The following GSTA4 variants were observed in gnomAD, a reference collection of about 807,000 sequenced individuals.
GSTA4 encodes glutathione S-transferase A4.
A neutral mutation model predicts 24.4 loss-of-function variants in GSTA4; 15 were observed. The observed-to-expected ratio is 0.61, with a 90% CI of 0.41 to 0.95. GSTA4 has a LOEUF of 0.95. Among genes scored for constraint, GSTA4 ranks in the 40% least tolerant of loss-of-function variants. GSTA4 has a pLI of 0.00. For missense variants in GSTA4, 244 were observed against 262.1 expected (o/e 0.93, Z 0.48); for synonymous variants, 92 against 94.2 (o/e 0.98, Z 0.13).
At chr6:52,987,181 A>G (rs3756980) in intron 3 of GSTA4, among the ~76,000 whole-genome samples, 176 bp downstream of exon 3, 26,352 of 152,132 alleles carry the variant, frequency 0.17, 2,505 homozygotes, top group Non-Finnish European at 0.2. Context: ...TTATGGAACT[A>G]TTGAATAAGA....
chr6:52,979,818 T>C (rs1301341261), intron 6 of GSTA4, among the ~76,000 whole-genome samples: 1 of 152,212 alleles, frequency 6.6e-6, no homozygotes, highest in African/African-American at 2.4e-5. Context: ...TATGACAATT[T>C]TCTCTTTTCA....
chr6:52,984,482 G>A lies in GSTA4; in HGVS notation c.396C>T (p.Tyr132=), dbSNP rs552190460. 3.2e-5 allele frequency: 51 copies of A among 1,612,828 alleles called. No homozygotes were observed. In the East Asian group the frequency reaches 1.0e-3, roughly 32 times the overall value. ...VNMAQKAIIR[Y]FPVFEKILRG... ...CACCTACCTTTTCAAACACAGGAAA[G>A]TATCTAATTATAGCCTTCTGGGCCA... The change falls in exon 5 of 7, where the codon TAC becomes TAT. Residue 132 remains tyrosine (Y), a synonymous_variant. Coordinates refer to ENST00000370963, the MANE Select transcript of GSTA4 (RefSeq NM_001512.4).
chr6:52,985,731 A>T, intron 3 of GSTA4, 148 bp from the exon 4 acceptor site: 2 of 846,200 alleles, frequency 2.4e-6, no homozygotes, highest in Admixed American at 5.1e-5. Flanking sequence ...CCTTAACTTC[A>T]TTCAGGAGAG....
rs748653510 is a variant in GSTA4 at position 52,987,363 on chromosome 6, G to A, written c.133C>T (p.Gln45Ter). The change falls in exon 3 of 7, where the codon CAG becomes TAG. Residue 45 changes from glutamine (Q) to a stop codon, truncating the protein, a stop_gained. Coordinates refer to ENST00000370963, the MANE Select transcript of GSTA4 (RefSeq NM_001512.4). LOFTEE classifies it high-confidence loss of function. The part of the protein sequence containing the change: ...LETKEQLYKL[Q>*]DGNHLLFQQV... ...GTTTCATTTTCATACTCACCATCCT[G>A]CAACTTGTACAACTGTTCTTTTGTT... 2.0e-5 allele frequency: 32 copies of A among 1,587,202 alleles called. No individual in the cohort carries two copies. The South Asian group carries it at 3.2e-4, about 16-fold the overall frequency.
Position 52,978,136 on chromosome 6 carries a change from G to A in GSTA4, c.*334C>T, listed in dbSNP as rs908221250. On this transcript the variant is annotated 3_prime_UTR_variant, in exon 7 of 7. Coordinates refer to ENST00000370963, the MANE Select transcript of GSTA4 (RefSeq NM_001512.4). ...GATAAGGAGAGCAGAAAGACGCTCA[G>A]GAGAGTAGAAAGACACTCAGGAGAG... 2 of 252,280 alleles carry A rather than the reference G, an allele frequency of 7.9e-6. No individual in the cohort carries two copies. The highest frequency in any genetic ancestry group is 2.3e-5 in the African/African-American group (1 of 42,850). The allele number at this position is 252,280 out of a possible 1,614,324, so 15.6% of individuals were successfully genotyped here. A position where few individuals can be genotyped will look rare whatever the true frequency, so the allele number is the denominator to read the frequency against.
chr6:52,978,549 A>T lies in GSTA4; in HGVS notation c.590T>A (p.Phe197Tyr), dbSNP rs1324498947. The T allele has an allele frequency of 6.2e-7, 1 of 1,611,920 alleles. No individual in the cohort carries two copies. The highest frequency in any genetic ancestry group is 8.5e-7 in the Non-Finnish European group (1 of 1,178,230). ...KLSNIPTIKRFLEPGSKKKPP... is the reference protein window; with the variant it reads ...KLSNIPTIKRYLEPGSKKKPP... ...CTTCTTCTTGCTGCCAGGTTCAAGG[A>T]ATCTCTTAATTGTAGGGATATTACT... The change falls in exon 7 of 7, where the codon TTC becomes TAC. Residue 197 changes from phenylalanine to tyrosine, a missense_variant. Phe to Tyr is a conservative substitution (Grantham distance 22). Transcript: ENST00000370963.
chr6:52,993,593 C>G (rs1763704509), intron 2 of GSTA4, among the ~76,000 whole-genome samples: 1 of 152,148 alleles, frequency 6.6e-6, no homozygotes, highest in Non-Finnish European at 1.5e-5. Context: ...TTAAAATACT[C>G]CCACAAAACA....
At chr6:52,993,976 C>G (rs45571441) in intron 2 of GSTA4, 181 bp downstream of exon 2, 24,488 of 688,510 alleles carry the variant, frequency 0.036, 1,874 homozygotes, top group African/African-American at 0.24. Context: ...AAATAGAATT[C>G]CATCAACTAC....
intron 2 of GSTA4, among the ~76,000 whole-genome samples, chr6:52,989,246 A>G (rs1763619959): frequency 6.6e-6 from 1 of 152,238 alleles, no homozygotes; most frequent in Non-Finnish European, 1.5e-5. Context: ...AGAAATAACT[A>G]TAAAAATGGG....
rs45465495 is a variant in GSTA4, at chr6:52,989,093, G to A, written c.88-1685C>T. Among the ~76,000 whole-genome samples, 1,116 of 152,298 alleles carry A rather than the reference G, an allele frequency of 7.3e-3. 8 individuals are homozygous for A. The highest frequency in any genetic ancestry group is 0.023 in the African/African-American group (962 of 41,562). ...CACCAAAACCAAGATGGTGATGAGAGTGACCTCTGGTCGTCCTCATTGCCA... is the reference window on the plus strand; with the variant it reads ...CACCAAAACCAAGATGGTGATGAGAATGACCTCTGGTCGTCCTCATTGCCA... On this transcript the variant is annotated intron_variant, in intron 2 of 6. Transcript: ENST00000370963.
At chr6:52,984,933 C>A (rs777948321) in intron 4 of GSTA4, among the ~76,000 whole-genome samples, 1 of 152,136 alleles carries the variant, frequency 6.6e-6, no homozygotes, top group African/African-American at 2.4e-5. Flanking sequence ...GTGAATACCA[C>A]TTATTGAGTG....
At chr6:52,989,152 G>T (rs1763618440) in intron 2 of GSTA4, among the ~76,000 whole-genome samples, 1 of 152,160 alleles carries the variant, frequency 6.6e-6, no homozygotes, top group African/African-American at 2.4e-5. Context: ...GTTTACAAAG[G>T]CTATGGCAAT....
chr6:52,990,074 A>C (rs1392299504), intron 2 of GSTA4, among the ~76,000 whole-genome samples: 1 of 152,134 alleles, frequency 6.6e-6, no homozygotes, highest in Non-Finnish European at 1.5e-5. Context: ...TAATGGTAGA[A>C]ATGGTGTAAA....
chr6:52,982,554 T>A lies in GSTA4; in HGVS notation c.546+20A>T. The stretch of plus-strand genomic sequence containing the variant: ...GCCCAAGAGTTCTAGGCCAATCTTC[T>A]AATACATAGTTTTATTTACCTGGAG... On this transcript the variant is annotated intron_variant, in intron 6 of 6. Coordinates refer to ENST00000370963, the MANE Select transcript of GSTA4 (RefSeq NM_001512.4). The A allele has an allele frequency of 1.3e-6, 2 of 1,597,308 alleles. No homozygotes were observed.
Position 52,994,169 on chromosome 6 carries a change from G to A in GSTA4, c.75C>T (p.Ala25=), listed in dbSNP as rs1337488769. Residue 25 remains alanine (A), a synonymous_variant, in exon 2 of 7, where the codon GCC becomes GCT. Transcript: ENST00000370963. ...GCATATAAGGTACCTCGACTCCGGC[G>A]GCAGCTAAAACCCATCTCACGGACT... ...RMESVRWVLA[A]AGVEFDEEFL... 6.2e-7 allele frequency: 1 copy of A among 1,609,222 alleles called. No individual in the cohort carries two copies. The highest frequency in any genetic ancestry group is 1.1e-5 in the South Asian group (1 of 90,986).
intron 2 of GSTA4, among the ~76,000 whole-genome samples, chr6:52,988,895 A>T (rs1047278202): frequency 1.3e-5 from 2 of 152,006 alleles, no homozygotes; most frequent in African/African-American, 4.8e-5. Context: ...AACCAGAGCA[A>T]CTCCATCTTG....
At chr6:52,982,347 C>T (rs1311068890) in intron 6 of GSTA4, among the ~76,000 whole-genome samples, 1 of 99,802 alleles carries the variant, frequency 1.0e-5, no homozygotes, top group African/African-American at 3.2e-5. Context: ...AGTAAGATCC[C>T]ACCTTAAAAA....
intron 4 of GSTA4, 56 bp from the exon 5 acceptor site, chr6:52,984,661 C>T: frequency 6.9e-7 from 1 of 1,454,144 alleles, no homozygotes; most frequent in Non-Finnish European, 9.4e-7. Context: ...CCATCAGTTT[C>T]CACAACTAAG....
In GSTA4 at chr6:52,982,584, G is replaced by C; in HGVS notation, c.536C>G (p.Pro179Arg). The C allele has an allele frequency of 1.2e-6, 2 of 1,609,144 alleles. No homozygotes were observed. The highest frequency in any genetic ancestry group is 1.7e-6 in the Non-Finnish European group (2 of 1,176,868). The change falls in exon 6 of 7, where the codon CCT becomes CGT. Residue 179 changes from proline to arginine, a missense_variant. Physicochemically the swap from Pro to Arg is moderately radical, Grantham distance 103 (BLOSUM62 -2). Coordinates refer to ENST00000370963, the MANE Select transcript of GSTA4 (RefSeq NM_001512.4). ...CATAGTTTTATTTACCTGGAGGAAA[G>C]GAAATGCAGACAGGATATTAGGAAT... ...EKIPNILSAF[P>R]FLQEYTVKLS...
Sources: gnomAD v4.1 joint callset for allele counts (sites outside exome capture counted in the v4.1 genomes callset) on GRCh38, gnomAD v4.1.1 for gene constraint, MANE v1.5 for transcripts, NCBI Gene and HGNC (gene_info 2026-07-23, HGNC 2026-07-21) for gene names.